Variants in ARHGAP6 observed in about 807,000 individuals in gnomAD.
ARHGAP6 encodes the protein rho GTPase-activating protein 6.
In ARHGAP6, 16 loss-of-function variants were observed where a neutral mutation model predicts 55.7. The observed-to-expected ratio is 0.29, with a 90% CI of 0.19 to 0.44. ARHGAP6 has a LOEUF of 0.44. Among genes scored for constraint, ARHGAP6 ranks in the 20% least tolerant of loss-of-function variants. The pLI, the probability that ARHGAP6 is intolerant of heterozygous loss-of-function variation, is 1.00. For synonymous variants in ARHGAP6, 382 were observed against 360.9 expected (o/e 1.06, Z -0.66); for missense variants, 698 against 808.9 (o/e 0.86, Z 1.66).
chrX:11,662,210 C>G (rs977696844), intron 1 of ARHGAP6, among the ~76,000 whole-genome samples: 6 of 111,930 alleles, frequency 5.4e-5, no homozygotes, highest in African/African-American at 2.0e-4. Flanking sequence ...AGGCAGTGCC[C>G]AATAGGATAC....
intron 1 of ARHGAP6, among the ~76,000 whole-genome samples, chrX:11,257,693 C>T (rs1013774975): frequency 6.2e-5 from 7 of 112,028 alleles, no homozygotes; most frequent in African/African-American, 2.3e-4. Flanking sequence ...GATGACAACA[C>T]AGTCCTCGTC....
intron 1 of ARHGAP6, among the ~76,000 whole-genome samples, chrX:11,645,340 A>T (rs1002207896): frequency 1.8e-5 from 2 of 110,990 alleles, no homozygotes; most frequent in South Asian, 7.6e-4. Flanking sequence ...GCTATCCCTT[A>T]TATTAATATG....
At chrX:11,252,049 C>A in intron 2 of ARHGAP6, among the ~76,000 whole-genome samples, 1 of 112,289 alleles carries the variant, frequency 8.9e-6, no homozygotes, top group Non-Finnish European at 1.9e-5. Context: ...TAGCACAAAT[C>A]TTTCTCTGGA....
chrX:11,446,505 G>T (rs1275480288), intron 1 of ARHGAP6, among the ~76,000 whole-genome samples: 1 of 111,261 alleles, frequency 9.0e-6, no homozygotes, highest in African/African-American at 3.3e-5. Flanking sequence ...AATTCTCCAT[G>T]TGACTCACAC....
chrX:11,497,218 C>T (rs2050631391), intron 1 of ARHGAP6, among the ~76,000 whole-genome samples: 1 of 111,807 alleles, frequency 8.9e-6, no homozygotes, highest in South Asian at 3.8e-4. Flanking sequence ...ATACATCCAG[C>T]CATGTTTGTG....
intron 1 of ARHGAP6, among the ~76,000 whole-genome samples, chrX:11,511,774 T>TGAAA (rs1405158365): frequency 9.0e-6 from 1 of 111,114 alleles, no homozygotes; most frequent in Non-Finnish European, 1.9e-5. Context: ...CCTGGGGAAG[T>TGAAA]CAGAGCCCCA....
intron 1 of ARHGAP6, among the ~76,000 whole-genome samples, chrX:11,485,037 C>CAA (rs375351477): frequency 3.8e-5 from 4 of 105,575 alleles, no homozygotes; most frequent in African/African-American, 1.0e-4. Context: ...ACAACAACAA[C>CAA]AAAAAAAAAA....
At chrX:11,359,706 T>C (rs1177190835) in intron 1 of ARHGAP6, among the ~76,000 whole-genome samples, 45 of 103,021 alleles carry the variant, frequency 4.4e-4, no homozygotes, top group East Asian at 6.0e-4. Context: ...AAAAAATTAA[T>C]GAATCCAGGA....
intron 1 of ARHGAP6, chrX:11,298,529 C>A: frequency 1.7e-6 from 2 of 1,211,195 alleles, no homozygotes; most frequent in African/African-American, 1.7e-5. Context: ...GGTAAACCTG[C>A]CTCTCTGTTT....
intron 1 of ARHGAP6, among the ~76,000 whole-genome samples, chrX:11,553,682 A>G (rs1440548955): frequency 1.8e-5 from 2 of 112,367 alleles, no homozygotes; most frequent in African/African-American, 6.5e-5. Context: ...ATGGCTTCCA[A>G]AAAGTCAAGG....
chrX:11,208,284 C>T (rs1730287015), intron 2 of ARHGAP6, among the ~76,000 whole-genome samples: 1 of 110,457 alleles, frequency 9.1e-6, no homozygotes, highest in African/African-American at 3.3e-5. Context: ...TGAGGAGCCA[C>T]CAGGGGGGAA....
chrX:11,436,733 G>A (rs759627947), intron 1 of ARHGAP6, among the ~76,000 whole-genome samples: 4 of 111,638 alleles, frequency 3.6e-5, no homozygotes, highest in South Asian at 3.7e-4. Flanking sequence ...CTGATAAAAC[G>A]TAGATGAACC....
intron 1 of ARHGAP6, among the ~76,000 whole-genome samples, chrX:11,486,373 T>C (rs1456494727): frequency 2.7e-5 from 3 of 112,424 alleles, no homozygotes; most frequent in Non-Finnish European, 5.6e-5. Flanking sequence ...ATTTGTTCAT[T>C]AAGTCACTCA....
intron 1 of ARHGAP6, among the ~76,000 whole-genome samples, chrX:11,290,861 C>T (rs10126400): frequency 0.18 from 19,872 of 111,290 alleles, 1,365 homozygotes; most frequent in Middle Eastern, 0.28. Context: ...TTCTCACAGG[C>T]GAGGCCCTCC....
intron 1 of ARHGAP6, among the ~76,000 whole-genome samples, chrX:11,588,936 C>T (rs2051769875): frequency 9.0e-6 from 1 of 111,624 alleles, no homozygotes; most frequent in African/African-American, 3.3e-5. Flanking sequence ...ATTATATCTT[C>T]AAAAACGGTG....
intron 1 of ARHGAP6, among the ~76,000 whole-genome samples, chrX:11,371,708 A>T (rs912679275): frequency 8.9e-6 from 1 of 112,294 alleles, no homozygotes; most frequent in Non-Finnish European, 1.9e-5. Flanking sequence ...TATATATTGG[A>T]AACTTAATGA....
chrX:11,613,254 G>A (rs1416228553), intron 1 of ARHGAP6, among the ~76,000 whole-genome samples: 2 of 112,371 alleles, frequency 1.8e-5, no homozygotes, highest in Non-Finnish European at 1.9e-5. Flanking sequence ...AGAACTGTTA[G>A]CGGCTCTGTG....
intron 1 of ARHGAP6, among the ~76,000 whole-genome samples, chrX:11,446,055 T>C (rs2050089197): frequency 8.9e-6 from 1 of 111,742 alleles, no homozygotes; most frequent in Non-Finnish European, 1.9e-5. Context: ...TGTCAGACTG[T>C]TGTTATTATA....
At chrX:11,346,756 A>AAAGAAAGAAAGG (rs1569308846) in intron 1 of ARHGAP6, among the ~76,000 whole-genome samples, 1 of 111,146 alleles carries the variant, frequency 9.0e-6, no homozygotes, top group Non-Finnish European at 1.9e-5. Flanking sequence ...AGAAAGAAAG[A>AAAGAAAGAAAGG]GAGAAAGAAA....
Sources: gnomAD v4.1 joint callset for allele counts (sites outside exome capture counted in the v4.1 genomes callset) on GRCh38, gnomAD v4.1.1 for gene constraint, MANE v1.5 for transcripts, NCBI Gene and HGNC (gene_info 2026-07-23, HGNC 2026-07-21) for gene names.